Variants in AHCYL1 observed in about 807,000 individuals in gnomAD.
The protein encoded by AHCYL1 is S-adenosylhomocysteine hydrolase-like protein 1.
In AHCYL1, 20 loss-of-function variants were observed where a neutral mutation model predicts 79.3. The observed-to-expected ratio is 0.25, with a 90% CI of 0.18 to 0.37. The LOEUF is 0.37. Ranked by LOEUF, AHCYL1 falls within the 10% of genes least tolerant of loss-of-function variation. The probability of loss-of-function intolerance (pLI) is 1.00; values close to 1 mark genes in which losing one functional copy is unlikely to be tolerated. For synonymous variants in AHCYL1, 223 were observed against 242.2 expected (o/e 0.92, Z 0.74); for missense variants, 330 against 673.6 (o/e 0.49, Z 5.65).
intron 1 of AHCYL1, among the ~76,000 whole-genome samples, chr1:109,999,704 AT>A (rs148500432): frequency 0.012 from 1,845 of 147,822 alleles, 30 homozygotes; most frequent in African/African-American, 0.034. Flanking sequence ...CAATGGTAAA[AT>A]TTTTTTTTTT....
rs5777000 is a variant in AHCYL1, at chr1:110,012,612, G to GT, written c.477+159dup. ...GTTACACAATAATGGGGTTTTCTGG[G>GT]TTTTTTTTTAATATGTAAACCCACT... is the stretch of plus-strand genomic sequence containing the variant. On this transcript the variant is annotated intron_variant, in intron 4 of 16. Coordinates refer to ENST00000369799, the MANE Select transcript of AHCYL1 (RefSeq NM_006621.7). The GT allele has an allele frequency of 2.5e-3, 1,699 of 667,848 alleles. 25 individuals are homozygous for GT. In the Admixed American group the frequency reaches 0.035, roughly 14 times the overall value. 41.4% of individuals were successfully genotyped at this position (667,848 alleles called of 1,614,324 possible).
intron 15 of AHCYL1, among the ~76,000 whole-genome samples, chr1:110,019,949 G>A (rs948742432): frequency 3.9e-5 from 6 of 152,180 alleles, no homozygotes; most frequent in African/African-American, 9.6e-5. Flanking sequence ...AGTACATACA[G>A]CCTTGGAACA....
rs368354256 is a variant in AHCYL1, at chr1:110,018,486, G to T, written c.1218+19G>T. On this transcript the variant is annotated intron_variant, in intron 12 of 16. Coordinates refer to ENST00000369799, the MANE Select transcript of AHCYL1 (RefSeq NM_006621.7). ...CGATGTGGTAAGGCTTCTCTCATTT[G>T]TTGCTAGGCATTTCTCTACTACCTT... 23 of 1,613,784 alleles carry T rather than the reference G, an allele frequency of 1.4e-5. No homozygotes were observed. The African/African-American group carries it at 1.9e-4, about 13-fold the overall frequency.
intron 16 of AHCYL1, 102 bp downstream of exon 16, chr1:110,020,953 A>G: frequency 6.7e-7 from 1 of 1,485,202 alleles, no homozygotes; most frequent in Non-Finnish European, 9.0e-7. Flanking sequence ...CCTGATTTTG[A>G]AGAATACAAG....
At chr1:109,998,579 G>C (rs1650141505) in intron 1 of AHCYL1, among the ~76,000 whole-genome samples, 1 of 152,218 alleles carries the variant, frequency 6.6e-6, no homozygotes, top group Non-Finnish European at 1.5e-5. Flanking sequence ...CTGGGTTCAA[G>C]CAATCCTCTT....
At chr1:110,005,315 A>G (rs1650575410) in intron 1 of AHCYL1, among the ~76,000 whole-genome samples, 1 of 152,250 alleles carries the variant, frequency 6.6e-6, no homozygotes, top group Admixed American at 6.5e-5. Flanking sequence ...ATTTGAAATA[A>G]CGAATTTGAC....
chr1:109,989,673 T>A (rs1399712690), intron 1 of AHCYL1, among the ~76,000 whole-genome samples: 1 of 152,212 alleles, frequency 6.6e-6, no homozygotes, highest in Non-Finnish European at 1.5e-5. Context: ...CTTGGGGTTG[T>A]TTTAAAGGAA....
chr1:109,986,095 A>G (rs1338417194), intron 1 of AHCYL1, among the ~76,000 whole-genome samples: 1 of 152,194 alleles, frequency 6.6e-6, no homozygotes, highest in Non-Finnish European at 1.5e-5. Flanking sequence ...TACACCTGGC[A>G]CCCAGTTAGC....
At chr1:109,992,053 T>G (rs1299677826) in intron 1 of AHCYL1, among the ~76,000 whole-genome samples, 1 of 151,690 alleles carries the variant, frequency 6.6e-6, no homozygotes, top group African/African-American at 2.4e-5. Flanking sequence ...CATGACCTGT[T>G]TCCTTTGTGG....
At chr1:109,985,618 T>C in intron 1 of AHCYL1, 1 of 913,872 alleles carries the variant, frequency 1.1e-6, no homozygotes, top group Non-Finnish European at 1.3e-6. Flanking sequence ...AACTGCGTGA[T>C]AGCTGGGAGG....
chr1:110,014,946 G>A (rs1234383758), intron 6 of AHCYL1, 89 bp downstream of exon 6: 5 of 1,280,118 alleles, frequency 3.9e-6, no homozygotes, highest in Non-Finnish European at 1.1e-6. Flanking sequence ...TGTTTTGGAT[G>A]TTTGGTCTTA....
intron 14 of AHCYL1, 52 bp downstream of exon 14, chr1:110,019,171 G>A (rs546886835): frequency 4.2e-5 from 64 of 1,510,626 alleles, no homozygotes; most frequent in South Asian, 1.0e-4. Context: ...GGAACTGGGC[G>A]TAGATCAGTT....
rs553597604 is a variant in AHCYL1, at chr1:110,022,028, G to A, written c.*348G>A. On this transcript the variant is annotated 3_prime_UTR_variant, in exon 17 of 17. Coordinates refer to ENST00000369799, the MANE Select transcript of AHCYL1 (RefSeq NM_006621.7). ...AGGTACCTTCTCTGTGGAACAATCT[G>A]CAATGTCTAAATCGCCTTAAAAGAG... 3 of 226,222 alleles carry A rather than the reference G, an allele frequency of 1.3e-5. No individual in the cohort carries two copies. Among genetic ancestry groups the A allele is most frequent in the African/African-American group, 4.6e-5 (2 of 43,484 alleles). 14.0% of individuals were successfully genotyped at this position (226,222 alleles called of 1,614,324 possible).
intron 14 of AHCYL1, 53 bp from the exon 15 acceptor site, chr1:110,019,495 G>A: frequency 4.7e-6 from 7 of 1,491,366 alleles, no homozygotes; most frequent in Admixed American, 1.9e-5. Context: ...TTATTTTTAT[G>A]TGCCTGTCTA....
At position 110,006,905 on chromosome 1, in the gene AHCYL1, T is replaced by A. The variant is rs149653198; in HGVS notation, c.121-2129T>A. Among the ~76,000 whole-genome samples, 632 of 152,306 alleles carry A rather than the reference T, an allele frequency of 4.1e-3. 5 individuals carry two copies. The highest frequency in any genetic ancestry group is 5.5e-3 in the Non-Finnish European group (377 of 68,022). On this transcript the variant is annotated intron_variant, in intron 1 of 16. Coordinates refer to ENST00000369799, the MANE Select transcript of AHCYL1 (RefSeq NM_006621.7). ...AACTACATTCTACCCACTTCAAATA[T>A]GGACCATATTCATTATTTGAGAGAT...
intron 12 of AHCYL1, 23 bp from the exon 13 acceptor site, chr1:110,018,529 C>A: frequency 6.2e-7 from 1 of 1,613,992 alleles, no homozygotes; most frequent in South Asian, 1.1e-5. Flanking sequence ...TAACCATAGT[C>A]AACTGTGCTT....
intron 1 of AHCYL1, among the ~76,000 whole-genome samples, chr1:109,998,844 T>C (rs1650159669): frequency 6.6e-6 from 1 of 152,186 alleles, no homozygotes. Context: ...TTTTCAGCTT[T>C]ATTAAGGTAT....
intron 3 of AHCYL1, among the ~76,000 whole-genome samples, chr1:110,011,738 A>C (rs1397482088): frequency 6.6e-6 from 1 of 152,238 alleles, no homozygotes; most frequent in Non-Finnish European, 1.5e-5. Flanking sequence ...CTGATGAGGA[A>C]GGGTTTTAAG....
chr1:110,018,448 CCAA>C lies in AHCYL1; in HGVS notation c.1202_1204del (p.Asn401del). ...TGTATCGTATGCAATATGGGCCACT[CCAA>C]CACAGAAATCGATGTGGTAAGGCTT... On this transcript the variant is annotated inframe_deletion, in exon 12 of 17. Transcript: ENST00000369799. 1 of 1,614,134 alleles carries C rather than the reference CCAA, an allele frequency of 6.2e-7. No homozygotes were observed. Among genetic ancestry groups the C allele is most frequent in the Middle Eastern group, 1.6e-4 (1 of 6,062 alleles).
Sources: allele counts gnomAD v4.1 joint callset (sites outside exome capture counted in the v4.1 genomes callset), GRCh38; gene constraint gnomAD v4.1.1; transcripts MANE v1.5; gene names NCBI Gene and HGNC (gene_info 2026-07-23, HGNC 2026-07-21).